Variants in MYL9 observed in about 807,000 individuals in gnomAD.
MYL9 encodes the protein myosin regulatory light polypeptide 9.
In MYL9, 7 loss-of-function variants were observed where a neutral mutation model predicts 12.8. That is an observed-to-expected ratio of 0.55 (90% CI 0.31 to 1.03). The LOEUF (loss-of-function observed/expected upper bound fraction) is 1.03, where lower values mean the gene tolerates loss of function less well. Among genes scored for constraint, MYL9 ranks in the 50% least tolerant of loss-of-function variants. MYL9 has a pLI of 0.05. For missense variants in MYL9, 190 were observed against 242.7 expected (o/e 0.78, Z 1.44); for synonymous variants, 81 against 87.8 (o/e 0.92, Z 0.43).
chr20:36,543,669 C>T (rs191754602), intron 1 of MYL9, among the ~76,000 whole-genome samples: 170 of 152,366 alleles, frequency 1.1e-3, no homozygotes, highest in Middle Eastern at 3.4e-3. Flanking sequence ...ATTCATCAAA[C>T]AAGCATCTGT....
At chr20:36,548,950 A>C in intron 3 of MYL9, 127 bp from the exon 4 acceptor site, 1 of 978,610 alleles carries the variant, frequency 1.0e-6, no homozygotes. Context: ...CAGACTGACC[A>C]GAGACTAAGA....
At chr20:36,542,052 T>TGGGCCAGGGGAAAGGGACCG (rs1167147421) in intron 1 of MYL9, among the ~76,000 whole-genome samples, 11 of 152,010 alleles carry the variant, frequency 7.2e-5, no homozygotes, top group Admixed American at 1.3e-4. Flanking sequence ...CCCTACACCC[T>TGGGCCAGGGGAAAGGGACCG]GGGCCAGGGG....
chr20:36,548,942 G>T, intron 3 of MYL9, 135 bp from the exon 4 acceptor site: 1 of 933,242 alleles, frequency 1.1e-6, no homozygotes, highest in African/African-American at 1.7e-5. Context: ...TCATTCCTCA[G>T]ACTGACCAGA....
At chr20:36,546,086 G>A (rs192050713) in intron 2 of MYL9, among the ~76,000 whole-genome samples, 2 of 152,336 alleles carry the variant, frequency 1.3e-5, no homozygotes, top group African/African-American at 4.8e-5. Context: ...TGGTCCCAGT[G>A]ACTTCCTCAG....
chr20:36,542,475 G>T (rs1317230986), intron 1 of MYL9, among the ~76,000 whole-genome samples: 1 of 152,140 alleles, frequency 6.6e-6, no homozygotes, highest in Non-Finnish European at 1.5e-5. Context: ...GCACCTGAAG[G>T]GGGAAGCGAT....
In MYL9 at chr20:36,548,080, C is replaced by T. The variant is rs766224371; in HGVS notation, c.233C>T (p.Pro78Leu). ...CTGGAGGGCATGATGAGCGAGGCCC[C>T]GGGGCCCATCAACTTCACCATGTTC... ...EYLEGMMSEAPGPINFTMFLT... is the reference protein window; with the variant it reads ...EYLEGMMSEALGPINFTMFLT... Residue 78 changes from proline (P) to leucine (L), a missense_variant, in exon 3 of 4, where the codon CCG becomes CTG. Coordinates refer to ENST00000279022, the MANE Select transcript of MYL9 (RefSeq NM_006097.5). 5.0e-5 allele frequency: 80 copies of T among 1,613,624 alleles called. No homozygotes were observed. Among genetic ancestry groups the T allele is most frequent in the Admixed American group, 2.2e-4 (13 of 59,946 alleles).
intron 2 of MYL9, among the ~76,000 whole-genome samples, chr20:36,545,856 T>C (rs769480337): frequency 6.7e-6 from 1 of 148,186 alleles, no homozygotes; most frequent in Non-Finnish European, 1.5e-5. Context: ...GGAGGCGGAG[T>C]TTGCAGTGAG....
At chr20:36,544,827 C>A in intron 1 of MYL9, 32 bp from the exon 2 acceptor site, 1 of 1,556,728 alleles carries the variant, frequency 6.4e-7, no homozygotes, top group South Asian at 1.2e-5. Context: ...CCCAGAGTCA[C>A]AGGGCCACCC....
At chr20:36,548,286 C>A (rs1312995463) in intron 3 of MYL9, 93 bp downstream of exon 3, 5 of 1,439,866 alleles carry the variant, frequency 3.5e-6, no homozygotes, top group Admixed American at 5.0e-5. Context: ...ACAGACATCA[C>A]CCATCTCCCA....
At position 36,548,177 on chromosome 20, in the gene MYL9, C is replaced by T. The variant is rs779311020; in HGVS notation, c.330C>T (p.Phe110=). The change falls in exon 3 of 4, where the codon TTC becomes TTT. Residue 110 remains phenylalanine, a synonymous_variant. Coordinates refer to ENST00000279022, the MANE Select transcript of MYL9 (RefSeq NM_006097.5). ...EDVIRNAFAC[F]DEEASGFIHE... Reference sequence around the variant, plus strand: ...TGATTCGCAACGCCTTTGCCTGCTTCGACGAGGAAGCCTCAGGTCCGTGGC... The same window carrying T: ...TGATTCGCAACGCCTTTGCCTGCTTTGACGAGGAAGCCTCAGGTCCGTGGC... The T allele has an allele frequency of 7.4e-6, 12 of 1,611,882 alleles. No homozygotes were observed. The highest frequency in any genetic ancestry group is 3.3e-5 in the South Asian group (3 of 90,904).
intron 3 of MYL9, 66 bp from the exon 4 acceptor site, chr20:36,549,011 G>A: frequency 1.3e-6 from 2 of 1,501,488 alleles, no homozygotes; most frequent in East Asian, 2.3e-5. Context: ...GGGGGCTGAG[G>A]GATGGGGCTG....
Position 36,544,912 on chromosome 20 carries a change from A to C in MYL9, c.28A>C (p.Thr10Pro), listed in dbSNP as rs1419719022. The part of the protein sequence containing the change: MSSKRAKAK[T>P]TKKRPQRATS... ...GTCCAGCAAGCGGGCCAAAGCCAAG[A>C]CCACCAAGAAGCGGCCACAGCGGGC... Residue 10 changes from threonine to proline, a missense_variant, in exon 2 of 4, where the codon ACC (threonine) becomes CCC (proline). By Grantham distance (38) the Thr-to-Pro change is conservative. Transcript: ENST00000279022. The C allele has an allele frequency of 1.2e-6, 2 of 1,613,756 alleles. No homozygotes were observed. Among genetic ancestry groups the C allele is most frequent in the Admixed American group, 3.3e-5 (2 of 59,942 alleles).
At chr20:36,548,873 C>A (rs908659924) in intron 3 of MYL9, among the ~76,000 whole-genome samples, 20 of 152,154 alleles carry the variant, frequency 1.3e-4, no homozygotes, top group African/African-American at 4.8e-4. Context: ...CCCTGGCACC[C>A]CTTCACGTGG....
rs1302983391 is a variant in MYL9 at position 36,548,211 on chromosome 20, C to A, written c.346+18C>A. On this transcript the variant is annotated intron_variant, in intron 3 of 3. Coordinates refer to ENST00000279022, the MANE Select transcript of MYL9 (RefSeq NM_006097.5). ...AGCCTCAGGTCCGTGGCGCCCCCTA[C>A]CACCACTCTGCATGCAAGTGGAACA... 2 of 1,592,658 alleles carry A rather than the reference C, an allele frequency of 1.3e-6. No individual in the cohort carries two copies. Among genetic ancestry groups the A allele is most frequent in the Non-Finnish European group, 1.7e-6 (2 of 1,166,806 alleles).
In MYL9 at chr20:36,543,451, G is replaced by A. The variant is rs142022958; in HGVS notation, c.-26-1408G>A. Among the ~76,000 whole-genome samples the A allele has an allele frequency of 5.2e-3, 785 of 152,296 alleles. 8 individuals carry two copies. The highest frequency in any genetic ancestry group is 0.018 in the African/African-American group (739 of 41,562). On this transcript the variant is annotated intron_variant, in intron 1 of 3. Transcript: ENST00000279022. ...GAGGCTTCCTGGAGGCCCTGGGCCC[G>A]GGGGTTTGGGCAGAGGGAAGAGGGG...
rs201380822 is a variant in MYL9, at chr20:36,546,627, C to T, written c.185-1405C>T. ...GTAAACTCCAGGGTTCTTTTTTTTT[C>T]CCCCCGAGACAAAATCTCACTCTGT... On this transcript the variant is annotated intron_variant, in intron 2 of 3. Coordinates refer to ENST00000279022, the MANE Select transcript of MYL9 (RefSeq NM_006097.5). 2.7e-5 allele frequency among the ~76,000 whole-genome samples: 4 copies of T among 150,858 alleles called. No individual in the cohort carries two copies. The East Asian group carries it at 7.8e-4, about 29-fold the overall frequency.
rs2038139119 is a variant in MYL9, at chr20:36,549,106, C to T, written c.376C>T (p.Leu126=). 1 of 1,613,418 alleles carries T rather than the reference C, an allele frequency of 6.2e-7. No individual in the cohort carries two copies. The change falls in exon 4 of 4, where the codon CTG becomes TTG. Residue 126 remains leucine, a synonymous_variant. Coordinates refer to ENST00000279022, the MANE Select transcript of MYL9 (RefSeq NM_006097.5). ...GFIHEDHLRE[L]LTTMGDRFTD... ...CATCCATGAGGACCACCTCCGGGAG[C>T]TGCTCACCACCATGGGTGACCGCTT...
At chr20:36,542,203 G>A (rs2038045518) in intron 1 of MYL9, among the ~76,000 whole-genome samples, 1 of 152,170 alleles carries the variant, frequency 6.6e-6, no homozygotes, top group East Asian at 1.9e-4. Flanking sequence ...TAGGGGGCAG[G>A]ACGAGGACTA....
rs1313856960 is a variant in MYL9 at position 36,550,942 on chromosome 20, G to A, written c.*1693G>A. 1 of 152,628 alleles carries A rather than the reference G, an allele frequency of 6.6e-6. No homozygotes were observed. The highest frequency in any genetic ancestry group is 1.5e-5 in the Non-Finnish European group (1 of 68,386). The allele number at this position is 152,628 out of a possible 1,614,324, so 9.5% of individuals were successfully genotyped here. On this transcript the variant is annotated 3_prime_UTR_variant, in exon 4 of 4. Transcript: ENST00000279022. ...ACCCATTCGATGCTGCCAGCCCCAAGGGTGTGGGAGGGGGGTCTCAGAGTG... is the reference window on the plus strand; with the variant it reads ...ACCCATTCGATGCTGCCAGCCCCAAAGGTGTGGGAGGGGGGTCTCAGAGTG...
Sources: allele counts gnomAD v4.1 joint callset (sites outside exome capture counted in the v4.1 genomes callset), GRCh38; gene constraint gnomAD v4.1.1; transcripts MANE v1.5; gene names NCBI Gene and HGNC (gene_info 2026-07-23, HGNC 2026-07-21).